The following PDE10A variants were observed in gnomAD, a reference collection of about 807,000 sequenced individuals.
The protein encoded by PDE10A is phosphodiesterase 10A.
In PDE10A, 39 loss-of-function variants were observed where a neutral mutation model predicts 97.7. The observed-to-expected ratio is 0.40, with a 90% CI of 0.31 to 0.52. PDE10A has a LOEUF of 0.52. PDE10A is among the 20% of genes least tolerant of loss of function. PDE10A has a pLI of 0.56. For missense variants in PDE10A, 731 were observed against 1,047.8 expected, an observed-to-expected ratio of 0.70 and a Z score of 4.17; for synonymous variants, 371 against 376.8, an observed-to-expected ratio of 0.98 and a Z score of 0.18.
chr6:165,983,781 T>TA (rs1785093078), intron 1 of PDE10A, among the ~76,000 whole-genome samples: 1 of 152,116 alleles, frequency 6.6e-6, no homozygotes, highest in Non-Finnish European at 1.5e-5. Context: ...CCCAAAGGGG[T>TA]AAAAAACAAC....
chr6:165,847,726 T>C (rs1191874299), intron 1 of PDE10A, among the ~76,000 whole-genome samples: 1 of 152,224 alleles, frequency 6.6e-6, no homozygotes, highest in East Asian at 1.9e-4. Context: ...TGTGGGTTGG[T>C]TGGGTTTTTG....
intron 2 of PDE10A, among the ~76,000 whole-genome samples, chr6:165,499,347 G>T (rs986672768): frequency 6.6e-6 from 1 of 152,162 alleles, no homozygotes; most frequent in East Asian, 1.9e-4. Context: ...CTGGACATAC[G>T]TTTTATTTAT....
intron 17 of PDE10A, among the ~76,000 whole-genome samples, chr6:165,382,620 T>A (rs959205933): frequency 6.6e-6 from 1 of 152,134 alleles, no homozygotes; most frequent in South Asian, 2.1e-4. Flanking sequence ...TTAATACCTA[T>A]CTCATGGGGA....
At chr6:165,429,389 T>C (rs1193263297) in intron 9 of PDE10A, among the ~76,000 whole-genome samples, 6 of 152,072 alleles carry the variant, frequency 3.9e-5, no homozygotes, top group African/African-American at 1.4e-4. Context: ...CTAGGTAGTG[T>C]TTAACCTAGT....
chr6:165,912,660 A>G (rs1310715520), intron 1 of PDE10A, among the ~76,000 whole-genome samples: 2 of 152,238 alleles, frequency 1.3e-5, no homozygotes, highest in African/African-American at 4.8e-5. Flanking sequence ...AATTGTGTTC[A>G]TGCTTGAGTG....
chr6:165,377,903 C>T (rs1271482394), intron 18 of PDE10A, among the ~76,000 whole-genome samples: 1 of 152,180 alleles, frequency 6.6e-6, no homozygotes, highest in East Asian at 1.9e-4. Flanking sequence ...CTGATACCAT[C>T]CCTCTTTGTG....
At chr6:165,668,023 T>C (rs1790539531), upstream of PDE10A, among the ~76,000 whole-genome samples, 1 of 152,186 alleles carries the variant, frequency 6.6e-6, no homozygotes, top group Non-Finnish European at 1.5e-5. Flanking sequence ...AACACAACAA[T>C]GAGTTCTGTT....
chr6:165,501,128 GTACCCTGGGCCA>G (rs1174888214), intron 2 of PDE10A, among the ~76,000 whole-genome samples: 1 of 152,102 alleles, frequency 6.6e-6, no homozygotes, highest in East Asian at 1.9e-4. Context: ...CTGAGCGCCG[GTACCCTGGGCCA>G]ATTTGTCTTT....
chr6:165,950,756 TAA>T (rs11316490), intron 1 of PDE10A, among the ~76,000 whole-genome samples: 7 of 152,052 alleles, frequency 4.6e-5, no homozygotes, highest in Non-Finnish European at 8.8e-5. Context: ...TCTAAAGCAC[TAA>T]AAAAAAGGGG....
chr6:165,420,932 T>C (rs566029563), intron 10 of PDE10A, among the ~76,000 whole-genome samples: 1 of 152,000 alleles, frequency 6.6e-6, no homozygotes, highest in Non-Finnish European at 1.5e-5. Context: ...AAAGAAACTA[T>C]AAAAAAGAAA....
intron 13 of PDE10A, among the ~76,000 whole-genome samples, chr6:165,402,864 AC>A (rs1562426885): frequency 1.3e-5 from 2 of 152,066 alleles, no homozygotes; most frequent in African/African-American, 4.8e-5. Flanking sequence ...TTACACAATA[AC>A]CCTCATTACA....
chr6:165,422,450 T>C lies in PDE10A; in HGVS notation c.1654-3673A>G, dbSNP rs1358261799. ...ACACATACGCATACACACATACGCA[T>C]ATACACACACAGGCATACACACATA... On this transcript the variant is annotated intron_variant, in intron 10 of 21. Transcript: ENST00000539869. Among the ~76,000 whole-genome samples the C allele has an allele frequency of 3.1e-5, 4 of 127,232 alleles. No individual in the cohort carries two copies. In the East Asian group the frequency reaches 8.9e-4, roughly 28 times the overall value. 83.5% of individuals were successfully genotyped at this position (127,232 alleles called of 152,430 possible).
chr6:165,767,821 CTA>C (rs1334142746), intron 1 of PDE10A, among the ~76,000 whole-genome samples: 1 of 152,172 alleles, frequency 6.6e-6, no homozygotes, highest in African/African-American at 2.4e-5. Context: ...TTCACTCTCT[CTA>C]TGTTTGATTT....
At chr6:165,852,061 A>G (rs1182587183) in intron 1 of PDE10A, among the ~76,000 whole-genome samples, 1 of 152,260 alleles carries the variant, frequency 6.6e-6, no homozygotes, top group African/African-American at 2.4e-5. Context: ...CAGCTGGTGC[A>G]TAATCCAAGC....
At chr6:165,745,986 A>G (rs148217251) in intron 1 of PDE10A, among the ~76,000 whole-genome samples, 1 of 152,170 alleles carries the variant, frequency 6.6e-6, no homozygotes, top group Non-Finnish European at 1.5e-5. Context: ...GACGTTTGTT[A>G]TACTATTCTT....
Position 165,671,362 on chromosome 6 carries a change from G to T in PDE10A, c.-614-127794C>A, listed in dbSNP as rs189099778. ...ACAACGACCCATGAGTGATCACAGA[G>T]TGAGCATAACCCCTGAAGAGCCCGA... On this transcript the variant is annotated intron_variant, in intron 1 of 19. Transcript: ENST00000366882. This position sits in a 1 kb window ranked among gnomAD's most constrained non-coding sequence, Gnocchi z 4.6. Among the ~76,000 whole-genome samples the T allele has an allele frequency of 7.9e-5, 12 of 152,222 alleles. No homozygotes were observed. Among genetic ancestry groups the T allele is most frequent in the Admixed American group, 3.3e-4 (5 of 15,282 alleles).
intron 1 of PDE10A, among the ~76,000 whole-genome samples, chr6:165,708,658 G>A (rs1277919893): frequency 6.6e-6 from 1 of 151,426 alleles, no homozygotes; most frequent in South Asian, 2.1e-4. Context: ...GCATCCAATC[G>A]ACCCGGCCGA....
intron 18 of PDE10A, among the ~76,000 whole-genome samples, chr6:165,374,811 C>T (rs923395048): frequency 9.5e-5 from 14 of 147,282 alleles, no homozygotes; most frequent in Admixed American, 6.1e-4. Flanking sequence ...ACAGCAATAT[C>T]GGCAGCATTT....
chr6:165,738,907 T>G (rs1792650149), intron 1 of PDE10A, among the ~76,000 whole-genome samples: 1 of 152,220 alleles, frequency 6.6e-6, no homozygotes, highest in African/African-American at 2.4e-5. Context: ...TACAATTGCA[T>G]AAAAATATTC....
Sources: allele counts gnomAD v4.1 joint callset (sites outside exome capture counted in the v4.1 genomes callset), GRCh38; gene constraint gnomAD v4.1.1; non-coding constraint Gnocchi (gnomAD v3.1); transcripts MANE v1.5; gene names NCBI Gene and HGNC (gene_info 2026-07-23, HGNC 2026-07-21).